Variants in WDR17 observed in about 807,000 individuals in gnomAD.
WDR17 encodes WD repeat domain 17, also known as WD repeat-containing protein 17.
Under a neutral mutation model 161.7 loss-of-function variants are expected in WDR17, and 143 were observed. The observed-to-expected ratio is 0.88, with a 90% CI of 0.77 to 1.02. The LOEUF (loss-of-function observed/expected upper bound fraction) is 1.02. Among genes scored for constraint, WDR17 ranks in the 50% least tolerant of loss-of-function variants. The probability of loss-of-function intolerance (pLI) is 0.00; values close to 1 mark genes in which losing one functional copy is unlikely to be tolerated. For missense variants in WDR17, 1,469 were observed against 1,520.9 expected, an observed-to-expected ratio of 0.97 and a Z score of 0.57; for synonymous variants, 517 against 515.6, an observed-to-expected ratio of 1.00 and a Z score of -0.04.
chr4:176,116,008 G>T (rs1358519465), intron 3 of WDR17, 29 bp downstream of exon 3: 4 of 1,542,248 alleles, frequency 2.6e-6, no homozygotes, highest in South Asian at 2.5e-5. Flanking sequence ...TTTATTTTAT[G>T]GAATAAAATA....
intron 18 of WDR17, among the ~76,000 whole-genome samples, chr4:176,156,683 A>AAG: frequency 6.6e-6 from 1 of 152,058 alleles, no homozygotes; most frequent in African/African-American, 2.4e-5. Context: ...GCCGTAAAAA[A>AAG]AAAAAAAAAA....
Position 176,160,920 on chromosome 4 carries a change from G to A in WDR17, c.2668G>A (p.Glu890Lys). Residue 890 changes from glutamate (E) to lysine (K), a missense_variant, in exon 20 of 29, where the codon GAA becomes AAA. By Grantham distance (56) the Glu-to-Lys change is moderately conservative. Transcript: ENST00000508596. ...EALLVAQAACEGNMQPLHVSV... is the reference protein window; with the variant it reads ...EALLVAQAACKGNMQPLHVSV... ...TTTAATTAAATTCTAGGCTGCTTGT[G>A]AAGGAAATATGCAGCCCTTACATGT... 1 of 1,594,130 alleles carries A rather than the reference G, an allele frequency of 6.3e-7. No homozygotes were observed. Among genetic ancestry groups the A allele is most frequent in the African/African-American group, 1.3e-5 (1 of 74,520 alleles).
intron 18 of WDR17, among the ~76,000 whole-genome samples, chr4:176,158,718 G>A (rs561417485): frequency 1.3e-5 from 2 of 152,168 alleles, no homozygotes; most frequent in Non-Finnish European, 2.9e-5. Flanking sequence ...GAAGGAAAAG[G>A]AGGAGGCAAA....
intron 1 of WDR17, among the ~76,000 whole-genome samples, chr4:176,096,312 A>G (rs1034156724): frequency 6.6e-6 from 1 of 151,990 alleles, no homozygotes; most frequent in African/African-American, 2.4e-5. Context: ...ATTATTGTCG[A>G]TTTCTTTCTT....
intron 22 of WDR17, among the ~76,000 whole-genome samples, chr4:176,167,629 A>C: frequency 8.7e-6 from 1 of 114,390 alleles, no homozygotes; most frequent in African/African-American, 3.3e-5. Flanking sequence ...CCTGGGCGAC[A>C]GCGAGACTCC....
intron 3 of WDR17, among the ~76,000 whole-genome samples, chr4:176,117,970 A>G (rs1486899092): frequency 1.3e-5 from 2 of 152,102 alleles, no homozygotes; most frequent in African/African-American, 4.8e-5. Context: ...TTCAACTTCC[A>G]AATACAGTTG....
At chr4:176,118,299 G>T (rs1045288393) in intron 3 of WDR17, among the ~76,000 whole-genome samples, 2 of 152,132 alleles carry the variant, frequency 1.3e-5, no homozygotes, top group African/African-American at 4.8e-5. Context: ...TAAATATACA[G>T]TCGGAGAACC....
intron 8 of WDR17, among the ~76,000 whole-genome samples, chr4:176,136,518 G>T (rs1408953360): frequency 6.6e-6 from 1 of 151,588 alleles, no homozygotes; most frequent in East Asian, 1.9e-4. Flanking sequence ...TCTACATTGA[G>T]AATTTGCATC....
chr4:176,170,254 TA>T (rs1335112640), intron 23 of WDR17, among the ~76,000 whole-genome samples: 1 of 152,026 alleles, frequency 6.6e-6, no homozygotes, highest in African/African-American at 2.4e-5. Flanking sequence ...GTATATGTAC[TA>T]TTTTTTTATT....
At chr4:176,162,589 C>T (rs1209298569) in intron 21 of WDR17, among the ~76,000 whole-genome samples, 7 of 152,046 alleles carry the variant, frequency 4.6e-5, no homozygotes, top group African/African-American at 1.7e-4. Context: ...AATATGAATA[C>T]CTCCCTTACC....
chr4:176,176,209 G>T (rs889575421), intron 26 of WDR17, among the ~76,000 whole-genome samples: 1 of 147,668 alleles, frequency 6.8e-6, no homozygotes, highest in East Asian at 1.9e-4. Flanking sequence ...AAAAGAAAAA[G>T]AACGGTTTTT....
At chr4:176,110,780 G>A (rs2126691586) in intron 1 of WDR17, among the ~76,000 whole-genome samples, 1 of 152,254 alleles carries the variant, frequency 6.6e-6, no homozygotes, top group East Asian at 1.9e-4. Flanking sequence ...GAGACGTAAG[G>A]TTTAATGCTT....
At chr4:176,172,606 A>G in intron 24 of WDR17, 90 bp downstream of exon 24, 1 of 1,195,220 alleles carries the variant, frequency 8.4e-7, no homozygotes, top group Non-Finnish European at 1.2e-6. Context: ...TCATTTTTGC[A>G]TTGCTATAAA....
chr4:176,144,682 T>G (rs1745882286), intron 11 of WDR17, among the ~76,000 whole-genome samples: 1 of 152,202 alleles, frequency 6.6e-6, no homozygotes, highest in Non-Finnish European at 1.5e-5. Flanking sequence ...CTAATAAACT[T>G]CATTTTTAAT....
chr4:176,162,857 G>A (rs1749237060), intron 21 of WDR17, among the ~76,000 whole-genome samples: 1 of 151,930 alleles, frequency 6.6e-6, no homozygotes, highest in Admixed American at 6.6e-5. Flanking sequence ...GGAGATTGAA[G>A]GACATATTGA....
At chr4:176,133,939 C>T (rs958880953) in intron 7 of WDR17, among the ~76,000 whole-genome samples, 2 of 151,598 alleles carry the variant, frequency 1.3e-5, no homozygotes, top group Non-Finnish European at 3.0e-5. Flanking sequence ...TTTGTTCTTG[C>T]TATGTGAATT....
intron 1 of WDR17, 129 bp from the exon 2 acceptor site, chr4:176,111,446 A>T (rs909201044): frequency 2.0e-6 from 2 of 1,024,438 alleles, no homozygotes; most frequent in Non-Finnish European, 2.6e-6. Context: ...AATAAAAGTC[A>T]AAATTAATAG....
intron 4 of WDR17, among the ~76,000 whole-genome samples, chr4:176,120,394 T>G (rs1467803839): frequency 6.6e-6 from 1 of 151,002 alleles, no homozygotes; most frequent in Non-Finnish European, 1.5e-5. Context: ...ATTTGTATTT[T>G]TAATCAATTC....
intron 6 of WDR17, among the ~76,000 whole-genome samples, chr4:176,130,562 G>A (rs1166013199): frequency 2.0e-5 from 3 of 151,286 alleles, no homozygotes; most frequent in Non-Finnish European, 2.9e-5. Flanking sequence ...GGCTAACACA[G>A]TGAAACCCTG....
Sources: gnomAD v4.1 joint callset for allele counts (sites outside exome capture counted in the v4.1 genomes callset) on GRCh38, gnomAD v4.1.1 for gene constraint, MANE v1.5 for transcripts, NCBI Gene and HGNC (gene_info 2026-07-23, HGNC 2026-07-21) for gene names.